The following HIPK2 variants were observed in gnomAD, a reference collection of about 807,000 sequenced individuals.
HIPK2 encodes the protein homeodomain interacting protein kinase 2, also known as homeodomain-interacting protein kinase 2.
In HIPK2, 27 loss-of-function variants were observed where a neutral mutation model predicts 113.7. That is an observed-to-expected ratio of 0.24 (90% CI 0.17 to 0.33). The LOEUF (loss-of-function observed/expected upper bound fraction) is 0.33, where lower values mean the gene tolerates loss of function less well. Among genes scored for constraint, HIPK2 ranks in the 10% least tolerant of loss-of-function variants. HIPK2 has a pLI of 1.00. For missense variants in HIPK2, 1,257 were observed against 1,588.0 expected (o/e 0.79, Z 3.54); for synonymous variants, 631 against 642.2 (o/e 0.98, Z 0.26).
At chr7:139,655,121 C>T (rs182244129) in intron 2 of HIPK2, among the ~76,000 whole-genome samples, 3 of 152,266 alleles carry the variant, frequency 2.0e-5, no homozygotes, top group African/African-American at 7.2e-5. Context: ...AATTAGGGTC[C>T]CCAGCCTGGA....
Position 139,676,884 on chromosome 7 carries a change from A to G in HIPK2, c.1103+39048T>C, listed in dbSNP as rs563867653. 3.3e-3 allele frequency among the ~76,000 whole-genome samples: 469 copies of G among 141,766 alleles called. 3 individuals carry two copies. Among genetic ancestry groups the G allele is most frequent in the Non-Finnish European group, 5.6e-3 (370 of 65,822 alleles). The allele number at this position is 141,766 out of a possible 152,430, so 93.0% of individuals were successfully genotyped here. A position where few individuals can be genotyped will look rare whatever the true frequency, so the allele number is the denominator to read the frequency against. ...TCTTTTTCTTTTTTTTTTTTTTGAG[A>G]TAGTTTTGCTCTTGTTGCCCAGGCT... is the stretch of plus-strand genomic sequence containing the variant. On this transcript the variant is annotated intron_variant, in intron 2 of 14. Transcript: ENST00000406875.
At chr7:139,670,199 G>C (rs187490988) in intron 2 of HIPK2, among the ~76,000 whole-genome samples, 1 of 152,064 alleles carries the variant, frequency 6.6e-6, no homozygotes. Context: ...TTGTTTTTCC[G>C]GGCGGGTTGG....
intron 6 of HIPK2, among the ~76,000 whole-genome samples, chr7:139,621,896 C>G (rs1380109399): frequency 7.5e-6 from 1 of 133,302 alleles, no homozygotes; most frequent in Non-Finnish European, 1.5e-5. Context: ...ATATTCCAGT[C>G]TGGGTGACAG....
intron 1 of HIPK2, among the ~76,000 whole-genome samples, chr7:139,771,644 A>G (rs980522374): frequency 6.6e-6 from 1 of 152,218 alleles, no homozygotes; most frequent in African/African-American, 2.4e-5. Context: ...GGGGTTCACG[A>G]TGATGCAAGA....
In HIPK2 at chr7:139,658,083, A is replaced by C. The variant is rs572430730; in HGVS notation, c.1104-26358T>G. ...TGATCACCTTAAGAATCAATAGGGG[A>C]TCACCTGAGGTCAGGAGTTCTAGAC... is the stretch of plus-strand genomic sequence containing the variant. On this transcript the variant is annotated intron_variant, in intron 2 of 14. Coordinates refer to ENST00000406875, the MANE Select transcript of HIPK2 (RefSeq NM_022740.5). Among the ~76,000 whole-genome samples, 3 of 152,320 alleles carry C rather than the reference A, an allele frequency of 2.0e-5. No homozygotes were observed. In the East Asian group the frequency reaches 5.8e-4, roughly 29 times the overall value.
chr7:139,721,760 G>A (rs776477162), intron 1 of HIPK2, among the ~76,000 whole-genome samples: 1 of 152,156 alleles, frequency 6.6e-6, no homozygotes, highest in Non-Finnish European at 1.5e-5. Flanking sequence ...AGACCAGGGG[G>A]ACTACTGGAC....
chr7:139,654,073 C>T (rs1383345083), intron 2 of HIPK2, among the ~76,000 whole-genome samples: 1 of 152,182 alleles, frequency 6.6e-6, no homozygotes, highest in Non-Finnish European at 1.5e-5. Flanking sequence ...TGTGTATGTG[C>T]AGCCCAGCTT....
chr7:139,583,098 C>T (rs565581566), intron 13 of HIPK2, among the ~76,000 whole-genome samples: 16 of 152,332 alleles, frequency 1.1e-4, no homozygotes, highest in Non-Finnish European at 1.5e-4. Flanking sequence ...TGGTTTGTGG[C>T]GGAATAGCGG....
At chr7:139,722,344 C>A (rs1441692869) in intron 1 of HIPK2, among the ~76,000 whole-genome samples, 1 of 152,048 alleles carries the variant, frequency 6.6e-6, no homozygotes, top group East Asian at 1.9e-4. Context: ...TCTCTCATGC[C>A]GAAACAAATC....
At chr7:139,575,314 G>A in intron 13 of HIPK2, 26 bp from the exon 14 acceptor site, 1 of 1,543,956 alleles carries the variant, frequency 6.5e-7, no homozygotes, top group East Asian at 2.4e-5. Context: ...AAAGAGGTCA[G>A]ATCAGTGGCA....
chr7:139,633,095 CAAAAAAAAAAAA>C (rs942820284), intron 2 of HIPK2, among the ~76,000 whole-genome samples: 2 of 74,610 alleles, frequency 2.7e-5, no homozygotes, highest in African/African-American at 9.0e-5. Flanking sequence ...GACCCTGTCT[CAAAAAAAAAAAA>C]AAAAAAAAAA....
intron 1 of HIPK2, among the ~76,000 whole-genome samples, chr7:139,729,650 G>A (rs752787950): frequency 6.6e-6 from 1 of 152,128 alleles, no homozygotes; most frequent in Non-Finnish European, 1.5e-5. Context: ...ATCTCAAGAA[G>A]ACAACCTTTT....
At chr7:139,749,698 ACT>A (rs1796249331) in intron 1 of HIPK2, among the ~76,000 whole-genome samples, 1 of 152,128 alleles carries the variant, frequency 6.6e-6, no homozygotes, top group Non-Finnish European at 1.5e-5. Flanking sequence ...ACACAGCTGC[ACT>A]CTAACCATTT....
At chr7:139,704,013 C>A (rs1228520038) in intron 2 of HIPK2, among the ~76,000 whole-genome samples, 7 of 132,550 alleles carry the variant, frequency 5.3e-5, no homozygotes, top group Admixed American at 2.3e-4. Context: ...CCAACATATA[C>A]CCCCTCCACA....
rs1409944392 is a variant in HIPK2 at position 139,649,156 on chromosome 7, C to T, written c.1104-17431G>A. 3.3e-5 allele frequency among the ~76,000 whole-genome samples: 5 copies of T among 152,108 alleles called. No individual in the cohort carries two copies. The East Asian group carries it at 9.6e-4, about 29-fold the overall frequency. ...CCTCATTTCTCAGTTCTGTAATTAC[C>T]ACCCCTCCCACAGACTGGACACCAC... On this transcript the variant is annotated intron_variant, in intron 2 of 14. Transcript: ENST00000406875.
chr7:139,648,893 T>G (rs977634699), intron 2 of HIPK2, among the ~76,000 whole-genome samples: 2 of 151,942 alleles, frequency 1.3e-5, no homozygotes, highest in African/African-American at 4.8e-5. Flanking sequence ...GTGATTCGAT[T>G]TTTCTATGGA....
chr7:139,716,160 T>G lies in HIPK2; in HGVS notation c.875A>C (p.Lys292Thr). The G allele has an allele frequency of 6.2e-7, 1 of 1,614,018 alleles. No individual in the cohort carries two copies. Among genetic ancestry groups the G allele is most frequent in the Non-Finnish European group, 8.5e-7 (1 of 1,179,890 alleles). Reference sequence around the variant, plus strand: ...GTATTTGAGGGGCAAGGGGCTAAACTTGTTTTGCTTCAGAAAGTCATAGAG... The same window carrying G: ...GTATTTGAGGGGCAAGGGGCTAAACGTGTTTTGCTTCAGAAAGTCATAGAG... Reference protein sequence around the residue: ...QNLYDFLKQNKFSPLPLKYIR... With the variant: ...QNLYDFLKQNTFSPLPLKYIR... Residue 292 changes from lysine to threonine, a missense_variant, in exon 2 of 15, where the codon AAG (lysine) becomes ACG (threonine). This residue lies in a region of HIPK2 where 24 missense variants were observed against 18.1 expected (regional missense o/e 1.33). Transcript: ENST00000406875. The surrounding 1 kb of genome is among the most constrained non-coding windows in gnomAD (Gnocchi z 9.3).
At chr7:139,776,539 T>C (rs1796754263) in intron 1 of HIPK2, among the ~76,000 whole-genome samples, 1 of 152,068 alleles carries the variant, frequency 6.6e-6, no homozygotes, top group Non-Finnish European at 1.5e-5. Context: ...CGTGCCCTCC[T>C]CTGTGCCACA....
chr7:139,663,276 C>T (rs1801929351), intron 2 of HIPK2, among the ~76,000 whole-genome samples: 1 of 152,206 alleles, frequency 6.6e-6, no homozygotes, highest in South Asian at 2.1e-4. Context: ...CATGGATTCA[C>T]AGAAGCCTTA....
Sources: gnomAD v4.1 joint callset for allele counts (sites outside exome capture counted in the v4.1 genomes callset) on GRCh38, gnomAD v4.1.1 for gene constraint, gnomAD v4.1.1 regional missense constraint, Gnocchi (gnomAD v3.1) non-coding constraint, MANE v1.5 for transcripts, NCBI Gene and HGNC (gene_info 2026-07-23, HGNC 2026-07-21) for gene names.